The following CTNNA2 variants were observed in gnomAD, a reference collection of about 807,000 sequenced individuals.
The protein encoded by CTNNA2 is catenin alpha-2.
CTNNA2 carries 42 observed loss-of-function variants against 101.0 expected under a neutral mutation model. That is an observed-to-expected ratio of 0.42 (90% CI 0.32 to 0.54). The LOEUF is 0.54. Among genes scored for constraint, CTNNA2 ranks in the 20% least tolerant of loss-of-function variants. CTNNA2 has a pLI of 0.14. For synonymous variants in CTNNA2, 450 were observed against 456.4 expected, an observed-to-expected ratio of 0.99 and a Z score of 0.18; for missense variants, 871 against 1,223.1, an observed-to-expected ratio of 0.71 and a Z score of 4.29.
chr2:79,748,139 T>C (rs1286972325), intron 3 of CTNNA2, among the ~76,000 whole-genome samples: 1 of 152,210 alleles, frequency 6.6e-6, no homozygotes, highest in Non-Finnish European at 1.5e-5. Context: ...AGCTCGTCAT[T>C]ATGTAATCCC....
chr2:79,727,212 G>A (rs1686899949), intron 2 of CTNNA2, among the ~76,000 whole-genome samples: 1 of 152,176 alleles, frequency 6.6e-6, no homozygotes, highest in Admixed American at 6.5e-5. Context: ...TTGTAATTAA[G>A]CTAATTTAGT....
At chr2:80,464,835 G>A (rs1195403781) in intron 9 of CTNNA2, among the ~76,000 whole-genome samples, 1 of 152,072 alleles carries the variant, frequency 6.6e-6, no homozygotes, top group Non-Finnish European at 1.5e-5. Context: ...AGAATCTGAG[G>A]CACAGACAAG....
chr2:80,051,200 G>A (rs1359577275), intron 7 of CTNNA2, among the ~76,000 whole-genome samples: 1 of 152,170 alleles, frequency 6.6e-6, no homozygotes, highest in African/African-American at 2.4e-5. Context: ...GATTGTCACT[G>A]GTAATTATTC....
intron 1 of CTNNA2, among the ~76,000 whole-genome samples, chr2:79,616,236 GA>G (rs1193352256): frequency 2.0e-5 from 3 of 152,118 alleles, no homozygotes; most frequent in African/African-American, 4.8e-5. Flanking sequence ...CATATTGCTA[GA>G]TTTTTTTTAA....
chr2:79,793,372 T>G (rs1675433902), intron 3 of CTNNA2, among the ~76,000 whole-genome samples: 1 of 152,218 alleles, frequency 6.6e-6, no homozygotes, highest in African/African-American at 2.4e-5. Context: ...CATGTAGAGC[T>G]GGGCATGCAG....
intron 2 of CTNNA2, among the ~76,000 whole-genome samples, chr2:79,225,929 G>A (rs924472777): frequency 7.9e-5 from 12 of 152,092 alleles, no homozygotes; most frequent in African/African-American, 2.9e-4. Flanking sequence ...GTTTTGTTTT[G>A]CTACCTCTTT....
At chr2:80,641,893 G>T (rs1673535006) in intron 18 of CTNNA2, among the ~76,000 whole-genome samples, 1 of 151,914 alleles carries the variant, frequency 6.6e-6, no homozygotes, top group African/African-American at 2.4e-5. Context: ...AAACAGTAAG[G>T]AATATGAAAG....
At chr2:79,992,781 T>C (rs763318686) in intron 7 of CTNNA2, among the ~76,000 whole-genome samples, 4 of 152,220 alleles carry the variant, frequency 2.6e-5, no homozygotes, top group Non-Finnish European at 5.9e-5. Context: ...CTTGTGAGTA[T>C]AGTAGGCATG....
rs1433691478 is a variant in CTNNA2 at position 80,014,371 on chromosome 2, A to C, written c.1056+104574A>C. Among the ~76,000 whole-genome samples, 4 of 146,018 alleles carry C rather than the reference A, an allele frequency of 2.7e-5. 1 individual carries two copies. In the South Asian group the frequency reaches 6.9e-4, roughly 25 times the overall value. On this transcript the variant is annotated intron_variant, in intron 7 of 18. Coordinates refer to ENST00000402739, the MANE Select transcript of CTNNA2 (RefSeq NM_001282597.3). ...AAAAAGACAAGAAGTTTCATGAAAA[A>C]GTGTTTTATTCTGTGATCTCTTCTG...
chr2:79,277,505 C>T (rs1472635402), intron 2 of CTNNA2, among the ~76,000 whole-genome samples: 1 of 152,028 alleles, frequency 6.6e-6, no homozygotes, highest in Non-Finnish European at 1.5e-5. Flanking sequence ...GCCTAAGGAT[C>T]CTCTCACTGC....
intron 7 of CTNNA2, among the ~76,000 whole-genome samples, chr2:80,105,583 A>C (rs1042830635): frequency 1.2e-4 from 19 of 152,082 alleles, no homozygotes; most frequent in Non-Finnish European, 2.8e-4. Flanking sequence ...CAACAGCAAC[A>C]AAAATAGCCA....
chr2:79,242,072 A>AT (rs959738631), intron 2 of CTNNA2, among the ~76,000 whole-genome samples: 1 of 151,786 alleles, frequency 6.6e-6, no homozygotes, highest in Non-Finnish European at 1.5e-5. Flanking sequence ...CTCCTGGCTA[A>AT]TTTTTTGTAT....
At chr2:80,522,135 C>T (rs1262293143) in intron 9 of CTNNA2, among the ~76,000 whole-genome samples, 2 of 152,208 alleles carry the variant, frequency 1.3e-5, no homozygotes, top group African/African-American at 4.8e-5. Flanking sequence ...TTCTCTGGTT[C>T]TGAACAAAGG....
intron 2 of CTNNA2, among the ~76,000 whole-genome samples, chr2:79,705,136 T>C (rs972959243): frequency 6.6e-6 from 1 of 152,164 alleles, no homozygotes; most frequent in African/African-American, 2.4e-5. Flanking sequence ...TTCCACTCCC[T>C]GCTCCCCACA....
At chr2:79,952,409 G>T (rs1190880575) in intron 7 of CTNNA2, among the ~76,000 whole-genome samples, 1 of 152,078 alleles carries the variant, frequency 6.6e-6, no homozygotes, top group Admixed American at 6.5e-5. Context: ...AAATAATTGT[G>T]CTCAAAAAGG....
intron 7 of CTNNA2, among the ~76,000 whole-genome samples, chr2:80,080,076 A>C (rs1391620171): frequency 6.6e-6 from 1 of 152,102 alleles, no homozygotes; most frequent in Non-Finnish European, 1.5e-5. Flanking sequence ...CTGAAGGTTC[A>C]AGTGTGGCGG....
chr2:79,433,244 G>T (rs770476252), intron 4 of CTNNA2, among the ~76,000 whole-genome samples: 4 of 152,164 alleles, frequency 2.6e-5, no homozygotes, highest in Non-Finnish European at 5.9e-5. Context: ...AAAGGAATGT[G>T]TCCCTAGTGG....
chr2:80,492,842 T>C (rs995111108), intron 9 of CTNNA2, among the ~76,000 whole-genome samples: 2 of 152,194 alleles, frequency 1.3e-5, no homozygotes, highest in African/African-American at 4.8e-5. Flanking sequence ...TACTAGTTCT[T>C]TTTTTAATCT....
At chr2:79,888,191 G>A (rs1347988479) in intron 6 of CTNNA2, among the ~76,000 whole-genome samples, 1 of 152,180 alleles carries the variant, frequency 6.6e-6, no homozygotes. Context: ...TGCAATACAT[G>A]TGAGCTTATA....
Sources: gnomAD v4.1 joint callset for allele counts (sites outside exome capture counted in the v4.1 genomes callset) on GRCh38, gnomAD v4.1.1 for gene constraint, MANE v1.5 for transcripts, NCBI Gene and HGNC (gene_info 2026-07-23, HGNC 2026-07-21) for gene names.